SHISA9: variants seen among roughly 807,000 people sequenced by gnomAD.
SHISA9 encodes protein shisa-9.
A neutral mutation model predicts 38.0 loss-of-function variants in SHISA9; 13 were observed. That is an observed-to-expected ratio of 0.34 (90% CI 0.22 to 0.54). The LOEUF is 0.54. SHISA9 is among the 20% of genes least tolerant of loss of function. The pLI is 0.91. For synonymous variants in SHISA9, 275 were observed against 242.0 expected (o/e 1.14, Z -1.27); for missense variants, 538 against 575.8 (o/e 0.93, Z 0.67).
At chr16:13,246,453 A>AG in the SHISA9 span, 1 of 152,228 alleles carries the variant, frequency 6.6e-6, no homozygotes, top group Non-Finnish European at 1.5e-5. Flanking sequence ...CTTTATCAGC[A>AG]GCGTGAGATC....
At chr16:13,281,372 C>T in the SHISA9 span, among the ~76,000 whole-genome samples, 824 of 151,548 alleles carry the variant, frequency 5.4e-3, 4 homozygotes, top group Admixed American at 1.0e-2. Context: ...TATCTTTTTT[C>T]GATTATTTTA....
chr16:13,024,621 A>T (rs1332559498), intron 2 of SHISA9, among the ~76,000 whole-genome samples: 1 of 152,244 alleles, frequency 6.6e-6, no homozygotes, highest in Non-Finnish European at 1.5e-5. Context: ...TTGAAATGCG[A>T]GAGATCTGGG....
chr16:13,372,144 G>T, the SHISA9 span, among the ~76,000 whole-genome samples: 1 of 152,194 alleles, frequency 6.6e-6, no homozygotes, highest in African/African-American at 2.4e-5. Flanking sequence ...GGAGTATCAT[G>T]GAAGTACCCT....
the SHISA9 span, among the ~76,000 whole-genome samples, chr16:13,381,672 A>G: frequency 2.0e-5 from 3 of 152,172 alleles, no homozygotes; most frequent in African/African-American, 7.2e-5. Context: ...TTACTGTAAA[A>G]AAACCTAATT....
intron 2 of SHISA9, among the ~76,000 whole-genome samples, chr16:13,142,838 A>T (rs539659039): frequency 2.6e-5 from 4 of 152,196 alleles, no homozygotes; most frequent in Non-Finnish European, 2.9e-5. Flanking sequence ...TAGAGGGGAC[A>T]TGATTCAGGA....
chr16:13,308,544 G>A, the SHISA9 span, among the ~76,000 whole-genome samples: 1 of 152,154 alleles, frequency 6.6e-6, no homozygotes, highest in Non-Finnish European at 1.5e-5. Flanking sequence ...GGACCAAAGA[G>A]ATCCTAAGTA....
At chr16:13,434,419 G>GTTTTTTGTTTTTTTTTTTTTTTTT in the SHISA9 span, among the ~76,000 whole-genome samples, 3 of 64,566 alleles carry the variant, frequency 4.6e-5, no homozygotes, top group South Asian at 1.0e-3. Flanking sequence ...GACAAGCTAT[G>GTTTTTTGTTTTTTTTTTTTTTTTT]TTTTTTTTTT....
At chr16:13,149,587 C>CT (rs1216838339) in intron 2 of SHISA9, among the ~76,000 whole-genome samples, 40 of 152,204 alleles carry the variant, frequency 2.6e-4, no homozygotes, top group African/African-American at 9.6e-4. Context: ...CTCTGAGCCT[C>CT]TCTTTTCCCA....
At chr16:12,949,103 T>C (rs531925737) in intron 2 of SHISA9, among the ~76,000 whole-genome samples, 198 of 152,296 alleles carry the variant, frequency 1.3e-3, no homozygotes, top group African/African-American at 4.5e-3. Context: ...ACTCAGTAGA[T>C]ATTTGTACCC....
the SHISA9 span, among the ~76,000 whole-genome samples, chr16:13,548,089 C>T: frequency 5.3e-5 from 8 of 151,930 alleles, no homozygotes; most frequent in Admixed American, 3.3e-4. Context: ...AATTTTTGAC[C>T]AAGGCACCAA....
chr16:13,455,283 C>T, the SHISA9 span, among the ~76,000 whole-genome samples: 1 of 152,170 alleles, frequency 6.6e-6, no homozygotes, highest in African/African-American at 2.4e-5. Context: ...TCTCCATTGT[C>T]CCAAGTCATT....
intron 2 of SHISA9, among the ~76,000 whole-genome samples, chr16:12,970,298 C>T (rs1322397108): frequency 7.5e-6 from 1 of 133,080 alleles, no homozygotes; most frequent in Non-Finnish European, 1.6e-5. Flanking sequence ...TGAAAGTGGA[C>T]CCCTATCTCT....
At chr16:13,318,007 T>TTTC in the SHISA9 span, among the ~76,000 whole-genome samples, 1 of 151,776 alleles carries the variant, frequency 6.6e-6, no homozygotes, top group African/African-American at 2.4e-5. Context: ...TGTTTTTTTT[T>TTTC]TTTTGATCCA....
the SHISA9 span, among the ~76,000 whole-genome samples, chr16:13,371,445 T>G: frequency 0.093 from 14,075 of 152,138 alleles, 752 homozygotes; most frequent in South Asian, 0.22. Context: ...TGGCTGCACA[T>G]TAGAGTTGCC....
At chr16:13,187,154 G>A (rs1188180414) in intron 2 of SHISA9, among the ~76,000 whole-genome samples, 1 of 152,062 alleles carries the variant, frequency 6.6e-6, no homozygotes. Flanking sequence ...ACTCTGGAAG[G>A]CTAATTAATT....
At chr16:13,502,247 A>G in the SHISA9 span, among the ~76,000 whole-genome samples, 96 of 152,346 alleles carry the variant, frequency 6.3e-4, no homozygotes, top group African/African-American at 2.1e-3. Context: ...AAAGGAATCA[A>G]GATGATTCAC....
At chr16:13,210,191 T>A (rs565988204) in intron 3 of SHISA9, among the ~76,000 whole-genome samples, 1 of 152,312 alleles carries the variant, frequency 6.6e-6, no homozygotes, top group African/African-American at 2.4e-5. Context: ...CCTTTCACCC[T>A]TTTATGTAAT....
chr16:13,110,662 G>A (rs1404901054), intron 2 of SHISA9, among the ~76,000 whole-genome samples: 3 of 152,228 alleles, frequency 2.0e-5, no homozygotes, highest in Non-Finnish European at 2.9e-5. Context: ...GGTGTGACAG[G>A]TCAGTGAGCC....
chr16:13,127,532 T>G (rs2050272463), intron 2 of SHISA9, among the ~76,000 whole-genome samples: 2 of 150,476 alleles, frequency 1.3e-5, no homozygotes, highest in African/African-American at 4.9e-5. Context: ...GGAAGAAAAG[T>G]AAAGAGAAGC....
Sources: allele counts gnomAD v4.1 joint callset (sites outside exome capture counted in the v4.1 genomes callset), GRCh38; gene constraint gnomAD v4.1.1; transcripts MANE v1.5; gene names NCBI Gene and HGNC (gene_info 2026-07-23, HGNC 2026-07-21).